NAV3: variants seen among roughly 807,000 people sequenced by gnomAD.
NAV3 encodes pore membrane and/or filament interacting like protein 1.
NAV3 carries 87 observed loss-of-function variants against 244.7 expected under a neutral mutation model. The ratio of observed to expected loss-of-function variants is 0.36; its 90% CI spans 0.30 to 0.42. The LOEUF is 0.42. Among genes scored for constraint, NAV3 ranks in the 20% least tolerant of loss-of-function variants. The pLI is 1.00. For missense variants in NAV3, 2,663 were observed against 2,893.3 expected (o/e 0.92, Z 1.83); for synonymous variants, 1,126 against 1,042.2 (o/e 1.08, Z -1.55).
At chr12:77,700,217 A>G (rs528771943) in intron 2 of NAV3, among the ~76,000 whole-genome samples, 1 of 152,212 alleles carries the variant, frequency 6.6e-6, no homozygotes, top group Non-Finnish European at 1.5e-5. Flanking sequence ...TGGCTTTTAG[A>G]TAGTGTAGGA....
chr12:77,778,403 G>T (rs1017261354), intron 2 of NAV3, among the ~76,000 whole-genome samples: 2 of 151,488 alleles, frequency 1.3e-5, no homozygotes, highest in East Asian at 3.9e-4. Context: ...ACGAGGTCAG[G>T]AGGTCGAGAC....
At chr12:77,983,252 G>A (rs758120929) in intron 5 of NAV3, among the ~76,000 whole-genome samples, 15 of 152,176 alleles carry the variant, frequency 9.9e-5, no homozygotes, top group Non-Finnish European at 1.8e-4. Context: ...GCTTTGGGCA[G>A]GGGAATAGGG....
In NAV3 at chr12:78,166,582, C is replaced by T. The variant is rs536838646; in HGVS notation, c.4870-2173C>T. Among the ~76,000 whole-genome samples the T allele has an allele frequency of 5.7e-4, 87 of 151,792 alleles. 1 individual carries two copies. The highest frequency in any genetic ancestry group is 2.0e-3 in the African/African-American group (82 of 41,484). On this transcript the variant is annotated intron_variant, in intron 23 of 39. Coordinates refer to ENST00000397909, the MANE Select transcript of NAV3 (RefSeq NM_001024383.2). ...TCTTAACTAGTTATTCTTCCTTTTA[C>T]ATATATTGTGCCACATTGAGTAACA...
Position 77,941,092 on chromosome 12 carries a change from G to T in NAV3, c.373G>T (p.Val125Phe). The T allele has an allele frequency of 1.9e-6, 3 of 1,570,658 alleles. No homozygotes were observed. The highest frequency in any genetic ancestry group is 2.6e-6 in the Non-Finnish European group (3 of 1,149,820). The change falls in exon 3 of 40, where the codon GTT (valine) becomes TTT (phenylalanine). Residue 125 changes from valine (V) to phenylalanine (F), a missense_variant. By Grantham distance (50) the Val-to-Phe change is conservative (BLOSUM62 -1). Transcript: ENST00000397909. The stretch of plus-strand genomic sequence containing the variant: ...TCTCTTGGCTTTAGCAAATGAAAAA[G>T]TTGAAGATATCAATGGATGTCCTAG... ...EIIQIIANEK[V>F]EDINGCPRSQ...
intron 39 of NAV3, among the ~76,000 whole-genome samples, chr12:78,205,417 T>C (rs147234390): frequency 7.4e-4 from 112 of 152,096 alleles, no homozygotes; most frequent in African/African-American, 2.6e-3. Context: ...ATTAAATAAA[T>C]ATAATTTTCT....
intron 2 of NAV3, among the ~76,000 whole-genome samples, chr12:77,657,196 A>T (rs920284783): frequency 1.7e-3 from 193 of 110,480 alleles, no homozygotes; most frequent in African/African-American, 9.0e-3. Context: ...TCAACAAAAT[A>T]GATAGACCAC....
intron 2 of NAV3, among the ~76,000 whole-genome samples, chr12:77,736,041 C>A (rs1877320260): frequency 6.6e-6 from 1 of 152,190 alleles, no homozygotes; most frequent in Non-Finnish European, 1.5e-5. Flanking sequence ...TTCAGTGTAT[C>A]TTTACTACAC....
chr12:77,618,860 T>C (rs575000931), intron 2 of NAV3, among the ~76,000 whole-genome samples: 2 of 152,326 alleles, frequency 1.3e-5, no homozygotes, highest in South Asian at 2.1e-4. Context: ...AGAATCTAAA[T>C]AAATGGATTG....
intron 2 of NAV3, among the ~76,000 whole-genome samples, chr12:77,726,903 T>G (rs1360208253): frequency 2.0e-5 from 3 of 152,022 alleles, no homozygotes; most frequent in Middle Eastern, 3.4e-3. Flanking sequence ...AGCCATTTCA[T>G]GTAAGACTTC....
intron 13 of NAV3, 141 bp downstream of exon 13, chr12:78,117,045 C>A: frequency 1.1e-6 from 1 of 925,424 alleles, no homozygotes; most frequent in Non-Finnish European, 1.6e-6. Flanking sequence ...ATAAGGACTC[C>A]CTTTGCCACT....
rs779577210 is a variant in NAV3, at chr12:77,968,572, C to T, written c.541C>T (p.Arg181Cys). 6.2e-6 allele frequency: 10 copies of T among 1,614,006 alleles called. No homozygotes were observed. Among genetic ancestry groups the T allele is most frequent in the South Asian group, 4.4e-5 (4 of 91,078 alleles). ...AILGLFFSLS[R>C]YKQQQHHQQQ... ...TCTAGGGCTGTTTTTCAGTTTATCT[C>T]GCTACAAGCAGCAACAACACCATCA... The change falls in exon 5 of 40, where the codon CGC (arginine) becomes TGC (cysteine). Residue 181 changes from arginine (R) to cysteine (C), a missense_variant. Arg to Cys is a radical substitution (Grantham distance 180, BLOSUM62 -3). Coordinates refer to ENST00000397909, the MANE Select transcript of NAV3 (RefSeq NM_001024383.2).
chr12:77,671,652 G>A (rs1242129433), intron 2 of NAV3, among the ~76,000 whole-genome samples: 1 of 151,906 alleles, frequency 6.6e-6, no homozygotes, highest in African/African-American at 2.4e-5. Flanking sequence ...AAACAAAAAC[G>A]CAGAGTGGGG....
At chr12:77,782,137 G>C (rs1870694177) in intron 2 of NAV3, among the ~76,000 whole-genome samples, 1 of 152,026 alleles carries the variant, frequency 6.6e-6, no homozygotes, top group South Asian at 2.1e-4. Flanking sequence ...GTCACATCTG[G>C]AGCAGTTTGT....
intron 2 of NAV3, among the ~76,000 whole-genome samples, chr12:77,691,329 GTA>G (rs1350161105): frequency 6.0e-5 from 4 of 66,690 alleles, no homozygotes; most frequent in Non-Finnish European, 8.7e-5. Flanking sequence ...AAGTATTTGT[GTA>G]TGTGTGTATA....
chr12:78,103,754 A>C (rs917516007), intron 12 of NAV3, among the ~76,000 whole-genome samples: 15 of 152,208 alleles, frequency 9.9e-5, no homozygotes, highest in African/African-American at 3.6e-4. Flanking sequence ...TGATAAAACC[A>C]TCGGACCTTG....
At chr12:77,804,463 C>T (rs1001769009) in intron 2 of NAV3, among the ~76,000 whole-genome samples, 14 of 152,102 alleles carry the variant, frequency 9.2e-5, no homozygotes, top group Non-Finnish European at 1.9e-4. Flanking sequence ...TCAGGTTTAT[C>T]GAAGATCAGA....
chr12:77,641,233 G>A (rs1323004611), intron 2 of NAV3, among the ~76,000 whole-genome samples: 2 of 151,998 alleles, frequency 1.3e-5, no homozygotes, highest in African/African-American at 4.8e-5. Flanking sequence ...CACCATCTCT[G>A]GGAAGGCTCA....
intron 1 of NAV3, among the ~76,000 whole-genome samples, chr12:77,915,037 G>A (rs913475569): frequency 6.6e-6 from 1 of 151,866 alleles, no homozygotes; most frequent in African/African-American, 2.4e-5. Flanking sequence ...TTGGATTCTA[G>A]TTGTCAGATC....
chr12:77,919,483 G>A (rs1592999741), intron 1 of NAV3, among the ~76,000 whole-genome samples: 1 of 152,106 alleles, frequency 6.6e-6, no homozygotes, highest in African/African-American at 2.4e-5. Context: ...CTGTGGACAT[G>A]GGGCTAGAAA....
Sources: allele counts gnomAD v4.1 joint callset (sites outside exome capture counted in the v4.1 genomes callset), GRCh38; gene constraint gnomAD v4.1.1; transcripts MANE v1.5; gene names NCBI Gene and HGNC (gene_info 2026-07-23, HGNC 2026-07-21).